Variants in CLMN observed in about 807,000 individuals in gnomAD.
CLMN encodes the protein calmin (calponin-like, transmembrane).
CLMN carries 57 observed loss-of-function variants against 92.7 expected under a neutral mutation model. That is an observed-to-expected ratio of 0.61 (90% CI 0.50 to 0.77). The LOEUF (loss-of-function observed/expected upper bound fraction) is 0.77. Ranked by LOEUF, CLMN falls within the 30% of genes least tolerant of loss-of-function variation. The probability of loss-of-function intolerance (pLI) is 0.00; values close to 1 mark genes in which losing one functional copy is unlikely to be tolerated. For synonymous variants in CLMN, 466 were observed against 470.6 expected (o/e 0.99, Z 0.13); for missense variants, 1,158 against 1,237.5 (o/e 0.94, Z 0.96).
At chr14:95,319,529 C>A (rs1901949362) in intron 1 of CLMN, among the ~76,000 whole-genome samples, 182 bp downstream of exon 1, 2 of 152,124 alleles carry the variant, frequency 1.3e-5, no homozygotes, top group African/African-American at 4.8e-5. Context: ...AACCTGGCCG[C>A]GGCTGGCCGC....
intron 9 of CLMN, among the ~76,000 whole-genome samples, chr14:95,202,279 T>G (rs745978383): frequency 6.6e-6 from 1 of 152,214 alleles, no homozygotes; most frequent in South Asian, 2.1e-4. Context: ...TTCTTACTGG[T>G]GTGAGATGGA....
chr14:95,222,583 A>G, intron 3 of CLMN: 1 of 455,962 alleles, frequency 2.2e-6, no homozygotes, highest in Middle Eastern at 3.3e-4. Context: ...AGGACACAGC[A>G]GCTGGTGACC....
At chr14:95,227,663 T>A (rs1897754931) in intron 2 of CLMN, among the ~76,000 whole-genome samples, 1 of 152,200 alleles carries the variant, frequency 6.6e-6, no homozygotes, top group South Asian at 2.1e-4. Flanking sequence ...TCCTGCGAGA[T>A]GGCAGGGGGA....
chr14:95,292,044 C>T (rs1254623798), intron 1 of CLMN, among the ~76,000 whole-genome samples: 1 of 152,224 alleles, frequency 6.6e-6, no homozygotes, highest in Non-Finnish European at 1.5e-5. Flanking sequence ...CCTCATCTGG[C>T]CTCACTGCAA....
At chr14:95,262,856 G>A (rs912910208) in intron 1 of CLMN, among the ~76,000 whole-genome samples, 1 of 152,216 alleles carries the variant, frequency 6.6e-6, no homozygotes, top group African/African-American at 2.4e-5. Flanking sequence ...ATGAGCTACT[G>A]TGCCCAGCCT....
At chr14:95,295,395 G>C (rs986754384) in intron 1 of CLMN, among the ~76,000 whole-genome samples, 1 of 152,224 alleles carries the variant, frequency 6.6e-6, no homozygotes, top group East Asian at 1.9e-4. Flanking sequence ...AGAACAGAGA[G>C]GTGAGTAAGA....
At chr14:95,318,325 A>G (rs1901884942) in intron 1 of CLMN, among the ~76,000 whole-genome samples, 1 of 152,120 alleles carries the variant, frequency 6.6e-6, no homozygotes, top group Non-Finnish European at 1.5e-5. Flanking sequence ...CACTTTCAAC[A>G]TCCCAGCCCA....
rs375602869 is a variant in CLMN at position 95,189,939 on chromosome 14, G to A, written c.*1625C>T. 1 of 152,176 alleles carries A rather than the reference G, an allele frequency of 6.6e-6. No homozygotes were observed. Among genetic ancestry groups the A allele is most frequent in the African/African-American group, 2.4e-5 (1 of 41,436 alleles). 9.4% of individuals were successfully genotyped at this position (152,176 alleles called of 1,614,324 possible). On this transcript the variant is annotated 3_prime_UTR_variant, in exon 13 of 13. Coordinates refer to ENST00000298912, the MANE Select transcript of CLMN (RefSeq NM_024734.4). ...TCAGATGTGCTATGTAAATTCTTCTGGCCATGCTGGAATTCTGTAAACTTG... is the reference window on the plus strand; with the variant it reads ...TCAGATGTGCTATGTAAATTCTTCTAGCCATGCTGGAATTCTGTAAACTTG...
intron 1 of CLMN, among the ~76,000 whole-genome samples, chr14:95,309,638 C>T (rs929061652): frequency 2.0e-5 from 3 of 152,344 alleles, no homozygotes; most frequent in East Asian, 1.9e-4. Flanking sequence ...CAGGAAGCCT[C>T]CCCGAGTTCT....
intron 1 of CLMN, among the ~76,000 whole-genome samples, chr14:95,254,163 C>G (rs923089963): frequency 6.6e-6 from 1 of 152,134 alleles, no homozygotes; most frequent in Non-Finnish European, 1.5e-5. Flanking sequence ...TCCCAGCTGT[C>G]CTTTCTCACC....
chr14:95,203,282 G>T lies in CLMN; in HGVS notation c.2067C>A (p.Ser689Arg), dbSNP rs1423926436. 2 of 1,613,984 alleles carry T rather than the reference G, an allele frequency of 1.2e-6. No individual in the cohort carries two copies. The highest frequency in any genetic ancestry group is 1.1e-5 in the South Asian group (1 of 91,064). Reference sequence around the variant, plus strand: ...CCAAGCTGACACAGCTGCTTGGGGGGCTGGAAGATAATTCCTCGCCCACAC... The same window carrying T: ...CCAAGCTGACACAGCTGCTTGGGGGTCTGGAAGATAATTCCTCGCCCACAC... ...LQGVGEELSS[S>R]PPSSCVSLET... Residue 689 changes from serine (S) to arginine (R), a missense_variant, in exon 9 of 13, where the codon AGC (serine) becomes AGA (arginine). By Grantham distance (110) the Ser-to-Arg change is moderately radical. Coordinates refer to ENST00000298912, the MANE Select transcript of CLMN (RefSeq NM_024734.4).
chr14:95,286,715 G>C (rs1900357411), intron 1 of CLMN, among the ~76,000 whole-genome samples: 1 of 152,196 alleles, frequency 6.6e-6, no homozygotes, highest in Non-Finnish European at 1.5e-5. Context: ...GGGAGTTGAA[G>C]ACATAAAGAC....
intron 1 of CLMN, among the ~76,000 whole-genome samples, chr14:95,236,971 C>A (rs976086848): frequency 2.0e-5 from 3 of 152,148 alleles, no homozygotes; most frequent in Non-Finnish European, 4.4e-5. Context: ...GAAGGAAGAA[C>A]AGCTATGACG....
chr14:95,200,231 G>C (rs546074421), intron 9 of CLMN, among the ~76,000 whole-genome samples: 1 of 151,224 alleles, frequency 6.6e-6, no homozygotes, highest in Non-Finnish European at 1.5e-5. Context: ...ATCTGGGTGG[G>C]AGCCTCCTTC....
chr14:95,271,029 T>C (rs1899688042), intron 1 of CLMN, among the ~76,000 whole-genome samples: 1 of 152,248 alleles, frequency 6.6e-6, no homozygotes, highest in African/African-American at 2.4e-5. Flanking sequence ...GGCATATCAT[T>C]ATTAAGTGGT....
chr14:95,245,929 T>G (rs1752420526), intron 1 of CLMN, among the ~76,000 whole-genome samples: 1 of 141,482 alleles, frequency 7.1e-6, no homozygotes, highest in South Asian at 2.2e-4. Flanking sequence ...GATGGATGGA[T>G]GGATGGATGG....
intron 1 of CLMN, among the ~76,000 whole-genome samples, chr14:95,318,792 G>GA (rs1006739046): frequency 4.6e-5 from 7 of 151,952 alleles, no homozygotes; most frequent in Admixed American, 1.3e-4. Flanking sequence ...GCCCATATAT[G>GA]AAAAAAAAGA....
At chr14:95,206,934 T>C (rs968889975) in intron 8 of CLMN, among the ~76,000 whole-genome samples, 9 of 151,688 alleles carry the variant, frequency 5.9e-5, no homozygotes, top group African/African-American at 2.2e-4. Context: ...GAAAATTGAA[T>C]TGCAAAATAA....
Position 95,189,575 on chromosome 14 carries a change from C to T in CLMN, c.*1989G>A, listed in dbSNP as rs1432752558. On this transcript the variant is annotated 3_prime_UTR_variant, in exon 13 of 13. Transcript: ENST00000298912. ...AAGTTGTAATAGGTGAGAGAAGTATCTTGCAGAGGTTTTTCTGAACAAGGT... is the reference window on the plus strand; with the variant it reads ...AAGTTGTAATAGGTGAGAGAAGTATTTTGCAGAGGTTTTTCTGAACAAGGT... The T allele has an allele frequency of 6.6e-6, 1 of 152,190 alleles. No homozygotes were observed. The highest frequency in any genetic ancestry group is 1.5e-5 in the Non-Finnish European group (1 of 68,036). The allele number at this position is 152,190 out of a possible 1,614,324, so 9.4% of individuals were successfully genotyped here.
Sources: allele counts gnomAD v4.1 joint callset (sites outside exome capture counted in the v4.1 genomes callset), GRCh38; gene constraint gnomAD v4.1.1; transcripts MANE v1.5; gene names NCBI Gene and HGNC (gene_info 2026-07-23, HGNC 2026-07-21).